Variants in NEMF observed in about 807,000 individuals in gnomAD.
NEMF encodes ribosome quality control complex subunit NEMF.
Under a neutral mutation model 162.2 loss-of-function variants are expected in NEMF, and 89 were observed. The observed-to-expected ratio is 0.55, with a 90% CI of 0.46 to 0.65. The LOEUF is 0.65. Ranked by LOEUF, NEMF falls within the 30% of genes least tolerant of loss-of-function variation. NEMF has a pLI of 0.00. For synonymous variants in NEMF, 421 were observed against 404.5 expected (o/e 1.04, Z -0.49); for missense variants, 1,133 against 1,261.9 (o/e 0.90, Z 1.55).
chr14:49,800,388 C>A, intron 23 of NEMF, 32 bp downstream of exon 23: 2 of 1,479,820 alleles, frequency 1.4e-6, no homozygotes, highest in South Asian at 2.5e-5. Context: ...TCAGCTTACA[C>A]AATAATATGT....
intron 26 of NEMF, among the ~76,000 whole-genome samples, chr14:49,795,416 ACTT>A (rs1890648885): frequency 6.6e-6 from 1 of 152,090 alleles, no homozygotes. Context: ...TATCATAAGT[ACTT>A]CTTTCTTCAC....
intron 16 of NEMF, among the ~76,000 whole-genome samples, chr14:49,815,771 C>T (rs768290452): frequency 3.9e-5 from 6 of 151,938 alleles, no homozygotes; most frequent in Non-Finnish European, 5.9e-5. Context: ...GAGACCATCC[C>T]GGTTAACATG....
At chr14:49,829,510 C>T (rs898688855) in intron 11 of NEMF, 84 bp from the exon 12 acceptor site, 1 of 1,097,952 alleles carries the variant, frequency 9.1e-7, no homozygotes, top group South Asian at 1.4e-5. Context: ...CACTCACTAT[C>T]CTGACCCCAT....
At chr14:49,824,765 G>C (rs561555129) in intron 16 of NEMF, among the ~76,000 whole-genome samples, 37 of 152,086 alleles carry the variant, frequency 2.4e-4, no homozygotes, top group Non-Finnish European at 4.9e-4. Context: ...TTATACATTG[G>C]AGACCTCAAA....
At chr14:49,813,374 G>T (rs1455824674) in intron 18 of NEMF, among the ~76,000 whole-genome samples, 1 of 152,144 alleles carries the variant, frequency 6.6e-6, no homozygotes, top group African/African-American at 2.4e-5. Context: ...CAACCTGTAT[G>T]GTGCTGCTAT....
chr14:49,844,677 A>C, intron 4 of NEMF: 1 of 169,170 alleles, frequency 5.9e-6, no homozygotes, highest in Non-Finnish European at 1.3e-5. Flanking sequence ...CTTACCTCAG[A>C]CCAGATTAAA....
At position 49,799,372 on chromosome 14, in the gene NEMF, T is replaced by TTA; in HGVS notation, c.2465+102_2465+103insTA. On this transcript the variant is annotated intron_variant, in intron 25 of 32. Transcript: ENST00000298310. ...TTGTGCTAAATCTTGGTAAATTTAA[T>TTA]GAAGGAAGTCTTTAAACAGCTAAGT... 5 of 790,344 alleles carry TTA rather than the reference T, an allele frequency of 6.3e-6. No individual in the cohort carries two copies. In the South Asian group the frequency reaches 7.8e-5, roughly 12 times the overall value. 49.0% of individuals were successfully genotyped at this position (790,344 alleles called of 1,614,324 possible).
rs758223289 is a variant in NEMF at position 49,784,728 on chromosome 14, T to C, written c.3154-15A>G. The C allele has an allele frequency of 1.1e-5, 18 of 1,601,968 alleles. No homozygotes were observed. Among genetic ancestry groups the C allele is most frequent in the Middle Eastern group, 1.7e-4 (1 of 6,028 alleles). ...AAATCTGTGTCCTAAAAAAAGAAAATTGCTGAATATCTTCACATCCTGTAT... is the reference window on the plus strand; with the variant it reads ...AAATCTGTGTCCTAAAAAAAGAAAACTGCTGAATATCTTCACATCCTGTAT... On this transcript the variant is annotated splice_polypyrimidine_tract_variant and intron_variant, in intron 32 of 32. Coordinates refer to ENST00000298310, the MANE Select transcript of NEMF (RefSeq NM_004713.6).
chr14:49,847,060 A>G (rs1893538810), intron 3 of NEMF, among the ~76,000 whole-genome samples: 2 of 148,350 alleles, frequency 1.3e-5, no homozygotes, highest in Admixed American at 6.7e-5. Flanking sequence ...TAATTTTTCT[A>G]TTTTTAGTAG....
intron 4 of NEMF, among the ~76,000 whole-genome samples, chr14:49,841,196 C>CAAAAAAAAAAAAAAAAGAAAAGAAA (rs1893186136): frequency 1.8e-5 from 1 of 56,800 alleles, no homozygotes; most frequent in Non-Finnish European, 3.1e-5. Context: ...AACTCTGTCT[C>CAAAAAAAAAAAAAAAAGAAAAGAAA]AAAAAAAAAA....
chr14:49,825,845 T>G (rs1892312569), intron 16 of NEMF, 22 bp downstream of exon 16: 2 of 1,447,288 alleles, frequency 1.4e-6, no homozygotes, highest in East Asian at 4.6e-5. Context: ...AAAACTGTAT[T>G]TGAAAGAGAC....
At position 49,832,214 on chromosome 14, in the gene NEMF, T is replaced by C. The variant is rs1384721574; in HGVS notation, c.799A>G (p.Ile267Val). ...SLEADKPVED[I>V]LTYEEFHPFL... ...CCATGCCTATATGCTTACGTCAGTATGTCTTCAACTGGTTTATCTGCTTCC... is the reference window on the plus strand; with the variant it reads ...CCATGCCTATATGCTTACGTCAGTACGTCTTCAACTGGTTTATCTGCTTCC... Residue 267 changes from isoleucine (I) to valine (V), a missense_variant, in exon 9 of 33, where the codon ATA becomes GTA. Ile to Val is a conservative substitution (Grantham distance 29, BLOSUM62 3). This residue lies in a region of NEMF where 582 missense variants were observed against 631.5 expected (regional missense o/e 0.92). Transcript: ENST00000298310. The C allele has an allele frequency of 6.2e-7, 1 of 1,609,864 alleles. No individual in the cohort carries two copies. The highest frequency in any genetic ancestry group is 8.5e-7 in the Non-Finnish European group (1 of 1,176,834).
Position 49,785,270 on chromosome 14 carries a change from T to G in NEMF, c.2979A>C (p.Leu993=), listed in dbSNP as rs201504408. 1.2e-6 allele frequency: 2 copies of G among 1,613,916 alleles called. No homozygotes were observed. Among genetic ancestry groups the G allele is most frequent in the Admixed American group, 3.3e-5 (2 of 60,002 alleles). Residue 993 remains leucine, a synonymous_variant, in exon 30 of 33, where the codon CTA becomes CTC. Transcript: ENST00000298310. ...GGGCACATATTGGAATGGCAAACAG[T>G]AGTACATCTTCAGGATGTGGCTGGC... is the stretch of plus-strand genomic sequence containing the variant. ...LTGQPHPEDV[L]LFAIPICAPY... is the part of the protein sequence containing the mutation.
intron 25 of NEMF, 180 bp from the exon 26 acceptor site, chr14:49,796,124 G>T (rs1890681959): frequency 3.2e-6 from 2 of 616,474 alleles, no homozygotes; most frequent in African/African-American, 1.9e-5. Context: ...GGAAAAAGAT[G>T]CAAGTTTTTC....
Position 49,829,182 on chromosome 14 carries a change from A to G in NEMF, c.1104T>C (p.Ala368=). 1 of 1,614,186 alleles carries G rather than the reference A, an allele frequency of 6.2e-7. No homozygotes were observed. The highest frequency in any genetic ancestry group is 8.5e-7 in the Non-Finnish European group (1 of 1,180,028). ...CTGTCCAATCTATCTGGTTAGCTAA[A>G]GCACTTCGAACTACCTGAATGGCTC... is the stretch of plus-strand genomic sequence containing the variant. ...VDRAIQVVRS[A]LANQIDWTEI... Residue 368 remains alanine (A), a synonymous_variant, in exon 13 of 33, where the codon GCT becomes GCC. Transcript: ENST00000298310.
At chr14:49,789,702 AAAC>A (rs1446844940) in intron 26 of NEMF, 129 bp from the exon 27 acceptor site, 12 of 1,286,404 alleles carry the variant, frequency 9.3e-6, no homozygotes, top group Non-Finnish European at 1.2e-5. Flanking sequence ...CCATTATAAT[AAAC>A]AATATGAAGG....
At chr14:49,821,719 G>A (rs1445499911) in intron 16 of NEMF, among the ~76,000 whole-genome samples, 5 of 129,818 alleles carry the variant, frequency 3.9e-5, no homozygotes, top group African/African-American at 1.4e-4. Context: ...CAGCCGCCCC[G>A]TCCAGGAGGT....
intron 12 of NEMF, 21 bp from the exon 13 acceptor site, chr14:49,829,283 C>T: frequency 6.2e-7 from 1 of 1,613,172 alleles, no homozygotes; most frequent in South Asian, 1.1e-5. Context: ...AAACCACACA[C>T]ATTTACTACA....
intron 5 of NEMF, among the ~76,000 whole-genome samples, chr14:49,838,930 T>C (rs189847860): frequency 1.3e-5 from 2 of 152,104 alleles, no homozygotes; most frequent in East Asian, 1.9e-4. Context: ...GTGGTCCCCA[T>C]ACCAGCATCA....
Sources: allele counts gnomAD v4.1 joint callset (sites outside exome capture counted in the v4.1 genomes callset), GRCh38; gene constraint gnomAD v4.1.1; regional missense constraint gnomAD v4.1.1; transcripts MANE v1.5; gene names NCBI Gene and HGNC (gene_info 2026-07-23, HGNC 2026-07-21).